Variants in NEDD4L observed in about 807,000 individuals in gnomAD.
The protein encoded by NEDD4L is NEDD4 like E3 ubiquitin protein ligase, also known as E3 ubiquitin-protein ligase NEDD4-like.
NEDD4L carries 54 observed loss-of-function variants against 148.9 expected under a neutral mutation model. The observed-to-expected ratio is 0.36, with a 90% CI of 0.29 to 0.45. The LOEUF (loss-of-function observed/expected upper bound fraction) is 0.45, where lower values mean the gene tolerates loss of function less well. Ranked by LOEUF, NEDD4L falls within the 20% of genes least tolerant of loss-of-function variation. The probability of loss-of-function intolerance (pLI) is 1.00; values close to 1 mark genes in which losing one functional copy is unlikely to be tolerated. For synonymous variants in NEDD4L, 433 were observed against 440.7 expected (o/e 0.98, Z 0.22); for missense variants, 856 against 1,233.8 (o/e 0.69, Z 4.59).
chr18:58,057,275 G>A (rs1313293199), intron 1 of NEDD4L, among the ~76,000 whole-genome samples: 2 of 150,356 alleles, frequency 1.3e-5, no homozygotes, highest in Non-Finnish European at 3.0e-5. Flanking sequence ...TAATTATCTG[G>A]TGATTTATGA....
rs565787911 is a variant in NEDD4L at position 58,097,891 on chromosome 18, T to A, written c.48+53183T>A. Among the ~76,000 whole-genome samples the A allele has an allele frequency of 7.2e-5, 11 of 152,180 alleles. No homozygotes were observed. In the South Asian group the frequency reaches 2.3e-3, roughly 32 times the overall value. On this transcript the variant is annotated intron_variant, in intron 1 of 30. Transcript: ENST00000400345. The stretch of plus-strand genomic sequence containing the variant: ...TACAAAAAATAAAAAATTAGCTGGA[T>A]GTGGTAGTGAACCTATAGTCCCAGC...
chr18:58,269,677 G>A (rs1466663698), intron 5 of NEDD4L, among the ~76,000 whole-genome samples: 1 of 152,062 alleles, frequency 6.6e-6, no homozygotes, highest in African/African-American at 2.4e-5. Flanking sequence ...TTCAGTCAGG[G>A]TTGAGAAAAA....
At chr18:58,128,754 A>G (rs1276860735) in intron 1 of NEDD4L, among the ~76,000 whole-genome samples, 1 of 152,198 alleles carries the variant, frequency 6.6e-6, no homozygotes, top group Non-Finnish European at 1.5e-5. Flanking sequence ...GTTGTGGTTG[A>G]GCAGCACATT....
At chr18:58,257,212 A>G (rs12608173) in intron 5 of NEDD4L, among the ~76,000 whole-genome samples, 18,781 of 152,104 alleles carry the variant, frequency 0.12, 1,265 homozygotes, top group East Asian at 0.18. Context: ...AGGGGAGGAT[A>G]TTGCAAAGGA....
chr18:58,138,365 C>T (rs557658058), intron 1 of NEDD4L, among the ~76,000 whole-genome samples: 4 of 134,146 alleles, frequency 3.0e-5, no homozygotes, highest in East Asian at 4.8e-4. Flanking sequence ...TCCTCCTCTT[C>T]CCTCCCCTCC....
chr18:58,199,404 TG>T (rs1459505712), intron 2 of NEDD4L, among the ~76,000 whole-genome samples: 4 of 152,092 alleles, frequency 2.6e-5, no homozygotes, highest in African/African-American at 9.7e-5. Context: ...TGTAGAGGCC[TG>T]GGTGCTGCTC....
chr18:58,267,059 G>A (rs562475867), intron 5 of NEDD4L, among the ~76,000 whole-genome samples: 18 of 152,084 alleles, frequency 1.2e-4, no homozygotes, highest in Middle Eastern at 3.4e-3. Flanking sequence ...CTTTCCTTCC[G>A]TATATTTGTC....
At chr18:58,182,053 A>T (rs2038919865) in intron 2 of NEDD4L, among the ~76,000 whole-genome samples, 1 of 152,136 alleles carries the variant, frequency 6.6e-6, no homozygotes, top group Non-Finnish European at 1.5e-5. Flanking sequence ...TAAATTTTTT[A>T]AAATGCAAGG....
chr18:58,119,110 T>C (rs529996168), intron 1 of NEDD4L, among the ~76,000 whole-genome samples: 2 of 152,322 alleles, frequency 1.3e-5, no homozygotes, highest in South Asian at 4.1e-4. Context: ...CCAGTCTTCA[T>C]TGAAAACACT....
chr18:58,204,928 A>G (rs2041822939), intron 2 of NEDD4L, among the ~76,000 whole-genome samples: 3 of 152,334 alleles, frequency 2.0e-5, no homozygotes, highest in Middle Eastern at 3.4e-3. Context: ...GAAAAAATAG[A>G]TCAAAAAATG....
At chr18:58,255,640 C>T in intron 5 of NEDD4L, 1 of 1,232,530 alleles carries the variant, frequency 8.1e-7, no homozygotes. Context: ...CCCTGGTCAC[C>T]ATGGCCCATC....
At chr18:58,121,175 G>T (rs568419623) in intron 1 of NEDD4L, among the ~76,000 whole-genome samples, 1 of 152,142 alleles carries the variant, frequency 6.6e-6, no homozygotes, top group South Asian at 2.1e-4. Context: ...AACCATAACT[G>T]CTAGCATTTT....
intron 13 of NEDD4L, among the ~76,000 whole-genome samples, chr18:58,340,515 G>C (rs1176895355): frequency 6.6e-6 from 1 of 152,092 alleles, no homozygotes; most frequent in East Asian, 1.9e-4. Context: ...CCTAGAGAAG[G>C]GGCTCTGTGT....
At chr18:58,225,707 A>G (rs2044272799) in intron 2 of NEDD4L, among the ~76,000 whole-genome samples, 1 of 152,204 alleles carries the variant, frequency 6.6e-6, no homozygotes, top group Non-Finnish European at 1.5e-5. Flanking sequence ...GGCCAAGGGC[A>G]CATTATTAGG....
intron 1 of NEDD4L, among the ~76,000 whole-genome samples, chr18:58,065,869 AC>A (rs1343793357): frequency 1.3e-5 from 2 of 152,150 alleles, no homozygotes; most frequent in Non-Finnish European, 2.9e-5. Flanking sequence ...TGTACTGGGA[AC>A]CCGGCTTCAA....
chr18:58,220,232 T>C (rs1455643929), intron 2 of NEDD4L, among the ~76,000 whole-genome samples: 2 of 152,106 alleles, frequency 1.3e-5, no homozygotes, highest in South Asian at 2.1e-4. Context: ...CTTGGCAACA[T>C]GGCAAAACCC....
rs1206863482 is a variant in NEDD4L at position 58,387,479 on chromosome 18, T to C, written c.2528T>C (p.Phe843Ser). ...ELLPIDLIKI[F>S]DENELELLMC... is the part of the protein sequence containing the mutation. Reference sequence around the variant, plus strand: ...CTTCCTATTGATTTGATTAAAATTTTTGATGAAAATGAGCTGGAGGTTTGT... The same window carrying C: ...CTTCCTATTGATTTGATTAAAATTTCTGATGAAAATGAGCTGGAGGTTTGT... The change falls in exon 27 of 31, where the codon TTT becomes TCT. Residue 843 changes from phenylalanine (F) to serine (S), a missense_variant. Physicochemically the swap from Phe to Ser is radical, Grantham distance 155. Transcript: ENST00000400345. 6.4e-7 allele frequency: 1 copy of C among 1,573,366 alleles called. No individual in the cohort carries two copies. Among genetic ancestry groups the C allele is most frequent in the Admixed American group, 1.9e-5 (1 of 54,006 alleles).
intron 5 of NEDD4L, among the ~76,000 whole-genome samples, chr18:58,312,927 G>A (rs925269580): frequency 5.3e-5 from 8 of 152,294 alleles, no homozygotes; most frequent in South Asian, 4.1e-4. Context: ...TGATCTGCCC[G>A]CCTCAGCCTT....
rs755343385 is a variant in NEDD4L at position 58,330,720 on chromosome 18, T to C, written c.814-18T>C. 2 of 1,536,542 alleles carry C rather than the reference T, an allele frequency of 1.3e-6. No homozygotes were observed. Among genetic ancestry groups the C allele is most frequent in the Non-Finnish European group, 1.8e-6 (2 of 1,138,714 alleles). ...TACTTCTTTCTAGTGTTTACCCCAG[T>C]GTCTCCTTCTCTGAAAGCCTTGGGA... On this transcript the variant is annotated intron_variant, in intron 10 of 30. Transcript: ENST00000400345.
Sources: gnomAD v4.1 joint callset for allele counts (sites outside exome capture counted in the v4.1 genomes callset) on GRCh38, gnomAD v4.1.1 for gene constraint, MANE v1.5 for transcripts, NCBI Gene and HGNC (gene_info 2026-07-23, HGNC 2026-07-21) for gene names.